The following SIPA1L3 variants were observed in gnomAD, a reference collection of about 807,000 sequenced individuals.
SIPA1L3 encodes the protein signal-induced proliferation-associated 1-like protein 3.
In SIPA1L3, 59 loss-of-function variants were observed where a neutral mutation model predicts 150.1. That is an observed-to-expected ratio of 0.39 (90% CI 0.32 to 0.49). The LOEUF is 0.49. SIPA1L3 is among the 20% of genes least tolerant of loss of function. The probability of loss-of-function intolerance (pLI) is 0.86; values close to 1 mark genes in which losing one functional copy is unlikely to be tolerated. For synonymous variants in SIPA1L3, 1,070 were observed against 1,077.6 expected (o/e 0.99, Z 0.14); for missense variants, 2,211 against 2,489.5 (o/e 0.89, Z 2.38).
intron 8 of SIPA1L3, among the ~76,000 whole-genome samples, chr19:38,112,127 A>G (rs924050030): frequency 6.6e-6 from 1 of 150,628 alleles, no homozygotes; most frequent in African/African-American, 2.4e-5. Flanking sequence ...GCACACACAT[A>G]CAGGTACACA....
At chr19:38,200,049 C>T (rs192897754) in intron 19 of SIPA1L3, 56 of 152,022 alleles carry the variant, frequency 3.7e-4, no homozygotes, top group African/African-American at 1.3e-3. Context: ...GGCATCGTAG[C>T]GACACCCTGT....
chr19:38,071,617 A>G (rs926366191), intron 2 of SIPA1L3, among the ~76,000 whole-genome samples: 5 of 152,302 alleles, frequency 3.3e-5, no homozygotes, highest in Non-Finnish European at 7.3e-5. Context: ...GAATTTTTTT[A>G]GAGACAGGGT....
At chr19:38,132,189 T>C (rs1971327425) in intron 10 of SIPA1L3, among the ~76,000 whole-genome samples, 1 of 152,104 alleles carries the variant, frequency 6.6e-6, no homozygotes. Flanking sequence ...CAGGGAGCCA[T>C]GATTGTGCCA....
chr19:38,056,183 C>T (rs764857490), intron 2 of SIPA1L3, among the ~76,000 whole-genome samples: 5 of 152,208 alleles, frequency 3.3e-5, no homozygotes, highest in Non-Finnish European at 5.9e-5. Flanking sequence ...CTTCCCCAGT[C>T]GGTCCCTTCT....
intron 4 of SIPA1L3, among the ~76,000 whole-genome samples, chr19:38,089,309 G>C (rs1970209806): frequency 7.6e-6 from 1 of 131,774 alleles, no homozygotes; most frequent in Admixed American, 8.4e-5. Flanking sequence ...CTGGGTGACA[G>C]AGTGGTGAGA....
intron 13 of SIPA1L3, among the ~76,000 whole-genome samples, chr19:38,155,276 A>G (rs1031369324): frequency 4.0e-5 from 6 of 151,824 alleles, no homozygotes; most frequent in Non-Finnish European, 8.8e-5. Context: ...ACGTCTTGCC[A>G]TGTTGCCCAG....
At chr19:38,128,699 C>G (rs771604262) in intron 9 of SIPA1L3, among the ~76,000 whole-genome samples, 4 of 152,044 alleles carry the variant, frequency 2.6e-5, no homozygotes, top group Non-Finnish European at 5.9e-5. Flanking sequence ...GAGTTCGAGA[C>G]CAGCCTGGCC....
chr19:38,045,689 A>C (rs1969040807), intron 2 of SIPA1L3, among the ~76,000 whole-genome samples: 1 of 152,082 alleles, frequency 6.6e-6, no homozygotes, highest in Non-Finnish European at 1.5e-5. Context: ...GGCTTTTCTG[A>C]AGAAGCAACC....
intron 1 of SIPA1L3, among the ~76,000 whole-genome samples, chr19:38,024,359 GAC>G (rs896948763): frequency 5.3e-5 from 8 of 152,186 alleles, no homozygotes; most frequent in African/African-American, 1.7e-4. Flanking sequence ...ACTTTTGACA[GAC>G]ACTTCCTTGT....
intron 13 of SIPA1L3, among the ~76,000 whole-genome samples, chr19:38,159,045 C>T (rs931760293): frequency 2.6e-5 from 4 of 152,200 alleles, no homozygotes; most frequent in Non-Finnish European, 5.9e-5. Context: ...GCCCACCTCC[C>T]GGGGAGCCAG....
At chr19:37,949,676 A>AG (rs1367925495) in intron 1 of SIPA1L3, among the ~76,000 whole-genome samples, 4 of 151,564 alleles carry the variant, frequency 2.6e-5, no homozygotes, top group Admixed American at 2.0e-4. Flanking sequence ...AAAAAAAAAA[A>AG]GTTGGAGAGG....
Position 37,924,328 on chromosome 19 carries a change from AAC to A in SIPA1L3, c.-379+16975_-379+16976del, listed in dbSNP as rs554580871. Among the ~76,000 whole-genome samples, 308 of 152,126 alleles carry A rather than the reference AAC, an allele frequency of 2.0e-3. 1 individual carries two copies. Among genetic ancestry groups the A allele is most frequent in the Middle Eastern group, 3.4e-3 (1 of 294 alleles). ...CCACTGGAAGGTCTTCGGGGGCAGT[AAC>A]ACACGTGGAGCTGTCACTTCCTATG... On this transcript the variant is annotated intron_variant, in intron 1 of 21. Coordinates refer to ENST00000222345, the MANE Select transcript of SIPA1L3 (RefSeq NM_015073.3).
At chr19:37,942,854 C>T (rs2046672725) in intron 1 of SIPA1L3, among the ~76,000 whole-genome samples, 1 of 151,852 alleles carries the variant, frequency 6.6e-6, no homozygotes, top group Non-Finnish European at 1.5e-5. Flanking sequence ...AAGGATAGCC[C>T]CAGTCCCCTT....
intron 16 of SIPA1L3, among the ~76,000 whole-genome samples, chr19:38,188,245 G>A (rs1371936874): frequency 1.3e-5 from 2 of 151,748 alleles, no homozygotes; most frequent in Non-Finnish European, 2.9e-5. Context: ...GAGCACAGTG[G>A]CATGATCACA....
intron 1 of SIPA1L3, among the ~76,000 whole-genome samples, chr19:37,912,924 G>A (rs1013827996): frequency 1.3e-5 from 2 of 152,216 alleles, no homozygotes; most frequent in Non-Finnish European, 2.9e-5. Context: ...ATTTGCCCAG[G>A]AAGACAGGAG....
At position 37,976,935 on chromosome 19, in the gene SIPA1L3, G is replaced by C. The variant is rs542252670; in HGVS notation, c.-378-52154G>C. 1.1e-3 allele frequency among the ~76,000 whole-genome samples: 165 copies of C among 152,248 alleles called. 2 individuals carry two copies. The highest frequency in any genetic ancestry group is 3.4e-3 in the African/African-American group (143 of 41,544). On this transcript the variant is annotated intron_variant, in intron 1 of 21. Coordinates refer to ENST00000222345, the MANE Select transcript of SIPA1L3 (RefSeq NM_015073.3). Reference sequence around the variant, plus strand: ...CTGCAGCCTCAACCTCTTGGGTTCAGGTGATCCTCCCATCTCAGCCGCCTG... The same window carrying C: ...CTGCAGCCTCAACCTCTTGGGTTCACGTGATCCTCCCATCTCAGCCGCCTG...
rs531705256 is a variant in SIPA1L3 at position 38,090,866 on chromosome 19, A to T, written c.1665+2015A>T. Reference sequence around the variant, plus strand: ...CTTCCCACTGAGTTGGGGGAATGGGATGGCATGGAGGCTTTGCAGTAGCCA... The same window carrying T: ...CTTCCCACTGAGTTGGGGGAATGGGTTGGCATGGAGGCTTTGCAGTAGCCA... On this transcript the variant is annotated intron_variant, in intron 4 of 21. Transcript: ENST00000222345. Among the ~76,000 whole-genome samples, 7 of 152,270 alleles carry T rather than the reference A, an allele frequency of 4.6e-5. No homozygotes were observed. The South Asian group carries it at 1.5e-3, about 32-fold the overall frequency.
rs755000428 is a variant in SIPA1L3, at chr19:38,204,087, C to T, written c.5121-40C>T. ...GTGGGCCAGAAGCCTTCCCCAGGGG[C>T]TTTAGGGCCTCAGGCTGACCTTGTC... On this transcript the variant is annotated intron_variant, in intron 20 of 21. Coordinates refer to ENST00000222345, the MANE Select transcript of SIPA1L3 (RefSeq NM_015073.3). The T allele has an allele frequency of 1.8e-5, 28 of 1,516,220 alleles. No individual in the cohort carries two copies. The East Asian group carries it at 6.9e-4, about 37-fold the overall frequency. 93.9% of individuals were successfully genotyped at this position (1,516,220 alleles called of 1,614,324 possible).
At chr19:38,137,388 C>T (rs1395749091) in intron 10 of SIPA1L3, among the ~76,000 whole-genome samples, 2 of 152,076 alleles carry the variant, frequency 1.3e-5, no homozygotes, top group Non-Finnish European at 2.9e-5. Context: ...GGGGTTTCAC[C>T]ATGTTGGCCA....
Sources: allele counts gnomAD v4.1 joint callset (sites outside exome capture counted in the v4.1 genomes callset), GRCh38; gene constraint gnomAD v4.1.1; transcripts MANE v1.5; gene names NCBI Gene and HGNC (gene_info 2026-07-23, HGNC 2026-07-21).